WASF3: variants seen among roughly 807,000 people sequenced by gnomAD.
WASF3 encodes the protein WASP family member 3.
Under a neutral mutation model 46.6 loss-of-function variants are expected in WASF3, and 11 were observed. The observed-to-expected ratio is 0.24, with a 90% CI of 0.15 to 0.39. The LOEUF (loss-of-function observed/expected upper bound fraction) is 0.39, where lower values mean the gene tolerates loss of function less well. Among genes scored for constraint, WASF3 ranks in the 10% least tolerant of loss-of-function variants. The pLI, the probability that WASF3 is intolerant of heterozygous loss-of-function variation, is 1.00. For synonymous variants in WASF3, 242 were observed against 259.7 expected (o/e 0.93, Z 0.65); for missense variants, 576 against 669.8 (o/e 0.86, Z 1.55).
chr13:26,646,924 T>TTTGCATTTC (rs1177183106), intron 3 of WASF3, among the ~76,000 whole-genome samples: 1 of 152,238 alleles, frequency 6.6e-6, no homozygotes, highest in Non-Finnish European at 1.5e-5. Flanking sequence ...TTTAAATGAC[T>TTTGCATTTC]TTGCATAAAG....
intron 3 of WASF3, among the ~76,000 whole-genome samples, chr13:26,656,269 CT>C (rs950578063): frequency 1.8e-4 from 28 of 152,196 alleles, no homozygotes; most frequent in African/African-American, 6.0e-4. Flanking sequence ...TTCTTTTAAG[CT>C]ATTCGTGTCT....
At chr13:26,674,968 T>C (rs1883020980) in intron 6 of WASF3, among the ~76,000 whole-genome samples, 1 of 152,234 alleles carries the variant, frequency 6.6e-6, no homozygotes, top group South Asian at 2.1e-4. Context: ...TTTCTTTATC[T>C]TCTGTGAATT....
intron 1 of WASF3, among the ~76,000 whole-genome samples, chr13:26,589,141 T>C (rs1880218531): frequency 6.6e-6 from 1 of 152,220 alleles, no homozygotes; most frequent in Non-Finnish European, 1.5e-5. Flanking sequence ...CCATGTCTGC[T>C]TTTCAAATAC....
At chr13:26,571,825 G>A (rs1333108000) in intron 1 of WASF3, among the ~76,000 whole-genome samples, 1 of 152,218 alleles carries the variant, frequency 6.6e-6, no homozygotes, top group Non-Finnish European at 1.5e-5. Flanking sequence ...ACCTGATGAA[G>A]TTGTGATGTC....
At chr13:26,658,238 T>C (rs1275175236) in intron 3 of WASF3, among the ~76,000 whole-genome samples, 3 of 152,104 alleles carry the variant, frequency 2.0e-5, no homozygotes, top group Admixed American at 2.0e-4. Flanking sequence ...CTGGAGTATG[T>C]GTGTATATAT....
intron 3 of WASF3, among the ~76,000 whole-genome samples, chr13:26,657,736 A>C (rs573066651): frequency 2.0e-5 from 3 of 152,262 alleles, no homozygotes; most frequent in Non-Finnish European, 4.4e-5. Context: ...TTAGCTATTA[A>C]TGGACTTGCT....
chr13:26,644,384 G>C (rs1882087079), intron 3 of WASF3, among the ~76,000 whole-genome samples: 1 of 152,172 alleles, frequency 6.6e-6, no homozygotes, highest in African/African-American at 2.4e-5. Context: ...TCTAGCTTTG[G>C]TTGTGTTTTG....
At chr13:26,584,760 C>T (rs896346335) in intron 1 of WASF3, among the ~76,000 whole-genome samples, 10 of 152,114 alleles carry the variant, frequency 6.6e-5, no homozygotes, top group South Asian at 4.2e-4. Context: ...TTTAGTTGCT[C>T]GTGGTTGTGT....
intron 1 of WASF3, among the ~76,000 whole-genome samples, chr13:26,585,350 G>C (rs1298479154): frequency 1.3e-5 from 2 of 152,136 alleles, no homozygotes; most frequent in Admixed American, 6.5e-5. Flanking sequence ...AGTGCTTTCA[G>C]GTTTTGGGTT....
chr13:26,546,198 G>A, the WASF3 span, among the ~76,000 whole-genome samples: 25 of 152,110 alleles, frequency 1.6e-4, no homozygotes, highest in Admixed American at 2.6e-4. Context: ...ATAGGGTACC[G>A]GCACCCACAG....
At chr13:26,630,522 G>A (rs543813278) in intron 2 of WASF3, among the ~76,000 whole-genome samples, 1 of 152,166 alleles carries the variant, frequency 6.6e-6, no homozygotes, top group South Asian at 2.1e-4. Flanking sequence ...GTATTCCATG[G>A]TTTATATATG....
chr13:26,670,421 A>G (rs1882896972), intron 5 of WASF3, among the ~76,000 whole-genome samples: 1 of 152,120 alleles, frequency 6.6e-6, no homozygotes, highest in Non-Finnish European at 1.5e-5. Context: ...GGGTGCGGCA[A>G]ACCACCATGG....
intron 2 of WASF3, among the ~76,000 whole-genome samples, chr13:26,633,739 C>T (rs182005097): frequency 1.6e-3 from 241 of 152,234 alleles, no homozygotes; most frequent in African/African-American, 5.6e-3. Context: ...GCCTTCATTT[C>T]GTTATGTACC....
intron 3 of WASF3, among the ~76,000 whole-genome samples, chr13:26,653,343 C>T (rs1423856418): frequency 6.6e-6 from 1 of 152,166 alleles, no homozygotes; most frequent in East Asian, 1.9e-4. Context: ...TCATCCTCTC[C>T]CTGTCATCCC....
chr13:26,660,206 T>G (rs1882587486), intron 3 of WASF3, among the ~76,000 whole-genome samples: 1 of 125,928 alleles, frequency 7.9e-6, no homozygotes, highest in Non-Finnish European at 1.6e-5. Flanking sequence ...TTTTTTTTTT[T>G]TTTTTTTTTT....
intron 2 of WASF3, among the ~76,000 whole-genome samples, chr13:26,627,819 T>A (rs1254914111): frequency 2.0e-5 from 3 of 150,612 alleles, no homozygotes; most frequent in African/African-American, 2.4e-5. Flanking sequence ...CACACCAGCA[T>A]GGAACATGTA....
At chr13:26,658,487 G>T (rs1343939103) in intron 3 of WASF3, among the ~76,000 whole-genome samples, 1 of 152,184 alleles carries the variant, frequency 6.6e-6, no homozygotes, top group Non-Finnish European at 1.5e-5. Flanking sequence ...TATGTTAGAT[G>T]CTTCTCTTGC....
chr13:26,596,479 T>C (rs1284279391), intron 1 of WASF3, among the ~76,000 whole-genome samples: 1 of 152,194 alleles, frequency 6.6e-6, no homozygotes, highest in Non-Finnish European at 1.5e-5. Context: ...TTATTTTTGA[T>C]AAAATTTAGC....
intron 5 of WASF3, among the ~76,000 whole-genome samples, chr13:26,671,432 TAA>T (rs1271954189): frequency 3.3e-5 from 5 of 152,208 alleles, no homozygotes; most frequent in Non-Finnish European, 7.4e-5. Flanking sequence ...GAAAAAGAGA[TAA>T]GAGTACTTAC....
Sources: allele counts gnomAD v4.1 joint callset (sites outside exome capture counted in the v4.1 genomes callset), GRCh38; gene constraint gnomAD v4.1.1; transcripts MANE v1.5; gene names NCBI Gene and HGNC (gene_info 2026-07-23, HGNC 2026-07-21).